The following SDHAF2 variants were observed in gnomAD, a reference collection of about 807,000 sequenced individuals.
The protein encoded by SDHAF2 is succinate dehydrogenase complex assembly factor 2, also known as succinate dehydrogenase assembly factor 2, mitochondrial.
In SDHAF2, 21 loss-of-function variants were observed where a neutral mutation model predicts 18.5. That is an observed-to-expected ratio of 1.13 (90% confidence interval 0.80 to 1.63). The LOEUF is 1.63. Ranked by LOEUF, SDHAF2 falls within the 40% of genes most tolerant of loss-of-function variation. The probability of loss-of-function intolerance (pLI) is 0.00; values close to 1 mark genes in which losing one functional copy is unlikely to be tolerated. For synonymous variants in SDHAF2, 84 were observed against 70.7 expected, an observed-to-expected ratio of 1.19 and a Z score of -0.94; for missense variants, 195 against 200.3, an observed-to-expected ratio of 0.97 and a Z score of 0.16.
intron 1 of SDHAF2, chr11:61,434,647 T>C (rs1861972811): frequency 6.6e-6 from 1 of 150,788 alleles, no homozygotes; most frequent in Non-Finnish European, 1.5e-5. Context: ...GACCAGTCTT[T>C]GAGTTTGCTG....
chr11:61,440,818 A>T (rs1004953064), intron 3 of SDHAF2, among the ~76,000 whole-genome samples: 1 of 152,200 alleles, frequency 6.6e-6, no homozygotes, highest in Non-Finnish European at 1.5e-5. Flanking sequence ...TGTTTCAATA[A>T]AACCTTATTT....
In SDHAF2 at chr11:61,434,591, C is replaced by CTTTTTT. The variant is rs549764688; in HGVS notation, c.37-3020_37-3015dup. ...AGGCTTTCTTCACTCCTTCTCATTC[C>CTTTTTT]TTTTTTTTTTTTTTTTTTTAGAAAA... On this transcript the variant is annotated intron_variant, in intron 1 of 3. Transcript: ENST00000301761. 4.8e-4 allele frequency: 57 copies of CTTTTTT among 118,940 alleles called. 1 individual carries two copies. The highest frequency in any genetic ancestry group is 2.0e-3 in the African/African-American group (52 of 26,550). 7.4% of individuals were successfully genotyped at this position (118,940 alleles called of 1,614,324 possible).
At position 61,446,233 on chromosome 11, in the gene SDHAF2, T is replaced by G. The variant is rs1862136651; in HGVS notation, c.*162T>G. ...ATAACCCTCTCCTAGGACATACATG[T>G]AAATGCACAATGTGACTCATTCTCA... On this transcript the variant is annotated 3_prime_UTR_variant, in exon 4 of 4. Transcript: ENST00000301761. 1.3e-6 allele frequency: 1 copy of G among 757,162 alleles called. No homozygotes were observed. Among genetic ancestry groups the G allele is most frequent in the Non-Finnish European group, 2.3e-6 (1 of 432,142 alleles). The allele number at this position is 757,162 out of a possible 1,614,324, so 46.9% of individuals were successfully genotyped here.
rs917634335 is a variant in SDHAF2, at chr11:61,439,581, T to C, written c.370+1468T>C. ...GCTGTTTTTGTGTCTCCACTCAATATTTGTATCAGAAAGTAGCAGCCATTG... is the reference window on the plus strand; with the variant it reads ...GCTGTTTTTGTGTCTCCACTCAATACTTGTATCAGAAAGTAGCAGCCATTG... On this transcript the variant is annotated intron_variant, in intron 3 of 3. Transcript: ENST00000301761. 4.6e-5 allele frequency among the ~76,000 whole-genome samples: 7 copies of C among 152,348 alleles called. No individual in the cohort carries two copies. In the South Asian group the frequency reaches 1.2e-3, roughly 27 times the overall value.
Position 61,446,391 on chromosome 11 carries a change from C to T in SDHAF2, c.*320C>T. 1 of 595,616 alleles carries T rather than the reference C, an allele frequency of 1.7e-6. No individual in the cohort carries two copies. The highest frequency in any genetic ancestry group is 2.0e-5 in the South Asian group (1 of 48,890). The allele number at this position is 595,616 out of a possible 1,614,324, so 36.9% of individuals were successfully genotyped here. ...TGCAGGCGAAGCAGTTGTGCTTGCTCATTGCCTCAGCCCAAGTGTACTCAA... is the reference window on the plus strand; with the variant it reads ...TGCAGGCGAAGCAGTTGTGCTTGCTTATTGCCTCAGCCCAAGTGTACTCAA... On this transcript the variant is annotated 3_prime_UTR_variant, in exon 4 of 4. Coordinates refer to ENST00000301761, the MANE Select transcript of SDHAF2 (RefSeq NM_017841.4).
At chr11:61,444,587 C>CA (rs1862113694) in intron 3 of SDHAF2, among the ~76,000 whole-genome samples, 1 of 151,548 alleles carries the variant, frequency 6.6e-6, no homozygotes. Context: ...AAAAAAATTA[C>CA]AAAAAATCAG....
In SDHAF2 at chr11:61,437,717, C is replaced by T; in HGVS notation, c.129C>T (p.Ser43=). The change falls in exon 2 of 4, where the codon TCC becomes TCT. Residue 43 remains serine, a synonymous_variant. Transcript: ENST00000301761. ...RFYRGDSPTD[S]QKDMIEIPLP... ...ACAGAGGTGACAGCCCAACAGATTC[C>T]CAAAAGGACATGATTGAAATCCCTT... 1 of 1,614,156 alleles carries T rather than the reference C, an allele frequency of 6.2e-7. No individual in the cohort carries two copies. Among genetic ancestry groups the T allele is most frequent in the Non-Finnish European group, 8.5e-7 (1 of 1,180,014 alleles).
intron 3 of SDHAF2, 156 bp downstream of exon 3, chr11:61,438,269 G>A (rs562921119): frequency 1.0e-5 from 7 of 680,878 alleles, no homozygotes; most frequent in Admixed American, 4.6e-5. Context: ...GCATGATCTC[G>A]GCTCACTGCA....
intron 3 of SDHAF2, 122 bp from the exon 4 acceptor site, chr11:61,445,819 A>G (rs2134901704): frequency 2.6e-6 from 3 of 1,141,582 alleles, no homozygotes; most frequent in South Asian, 1.3e-5. Flanking sequence ...ATTTAGAAGA[A>G]GGATGGAGAC....
chr11:61,443,369 T>C (rs1055297526), intron 3 of SDHAF2, among the ~76,000 whole-genome samples: 1 of 152,254 alleles, frequency 6.6e-6, no homozygotes, highest in Non-Finnish European at 1.5e-5. Flanking sequence ...CCCTGTCTGA[T>C]AGTTCTAACA....
chr11:61,438,468 G>A (rs1404517049), intron 3 of SDHAF2: 13 of 335,032 alleles, frequency 3.9e-5, no homozygotes, highest in Non-Finnish European at 6.0e-5. Flanking sequence ...CAAAATCCTG[G>A]GATTACAGGC....
intron 3 of SDHAF2, among the ~76,000 whole-genome samples, chr11:61,444,914 C>T (rs1179882651): frequency 6.6e-6 from 1 of 152,116 alleles, no homozygotes; most frequent in Admixed American, 6.5e-5. Context: ...GACCTCAGTT[C>T]TCTGATATCT....
At chr11:61,443,600 A>C (rs1010105909) in intron 3 of SDHAF2, among the ~76,000 whole-genome samples, 1 of 152,136 alleles carries the variant, frequency 6.6e-6, no homozygotes, top group Admixed American at 6.6e-5. Context: ...CCTTCATTGC[A>C]TTACTAGTGT....
At chr11:61,444,941 T>C (rs1002315454) in intron 3 of SDHAF2, among the ~76,000 whole-genome samples, 1 of 152,172 alleles carries the variant, frequency 6.6e-6, no homozygotes, top group East Asian at 1.9e-4. Flanking sequence ...AAAGTCATAA[T>C]ATTTGTAATT....
At chr11:61,443,039 G>A (rs1037308728) in intron 3 of SDHAF2, among the ~76,000 whole-genome samples, 3 of 152,088 alleles carry the variant, frequency 2.0e-5, no homozygotes, top group Non-Finnish European at 2.9e-5. Flanking sequence ...ACAGGCGTGA[G>A]CCACTGTGCT....
chr11:61,431,660 C>T (rs1420038607), intron 1 of SDHAF2: 1 of 151,954 alleles, frequency 6.6e-6, no homozygotes, highest in Non-Finnish European at 1.5e-5. Context: ...TCATTATATT[C>T]AGCCACTTCA....
intron 1 of SDHAF2, 186 bp downstream of exon 1, chr11:61,430,368 C>T (rs2135437098): frequency 1.4e-6 from 1 of 696,624 alleles, no homozygotes; most frequent in East Asian, 2.7e-5. Flanking sequence ...GGTGAGCCTA[C>T]TGTGTGCCGG....
chr11:61,442,643 G>A (rs1862082870), intron 3 of SDHAF2, among the ~76,000 whole-genome samples: 1 of 152,078 alleles, frequency 6.6e-6, no homozygotes, highest in Non-Finnish European at 1.5e-5. Flanking sequence ...AAAATTCTCA[G>A]CTGTTACCCC....
At chr11:61,445,332 T>G (rs1862125454) in intron 3 of SDHAF2, among the ~76,000 whole-genome samples, 1 of 152,232 alleles carries the variant, frequency 6.6e-6, no homozygotes, top group Non-Finnish European at 1.5e-5. Flanking sequence ...ACTCAGTGCC[T>G]ATGTTGCCCG....
Sources: allele counts gnomAD v4.1 joint callset (sites outside exome capture counted in the v4.1 genomes callset), GRCh38; gene constraint gnomAD v4.1.1; transcripts MANE v1.5; gene names NCBI Gene and HGNC (gene_info 2026-07-23, HGNC 2026-07-21).